The following MCPH1 variants were observed in gnomAD, a reference collection of about 807,000 sequenced individuals.
MCPH1 encodes microcephalin.
MCPH1 carries 104 observed loss-of-function variants against 84.5 expected under a neutral mutation model. The observed-to-expected ratio is 1.23, with a 90% confidence interval of 1.05 to 1.45. MCPH1 has a LOEUF of 1.45. Ranked by LOEUF, MCPH1 falls within the 40% of genes most tolerant of loss-of-function variation. The pLI is 0.00. For missense variants in MCPH1, 1,498 were observed against 1,005.7 expected (o/e 1.49, Z -6.62); for synonymous variants, 514 against 366.8 (o/e 1.40, Z -4.58).
At chr8:6,497,693 A>G (rs915493243) in intron 11 of MCPH1, among the ~76,000 whole-genome samples, 1 of 152,204 alleles carries the variant, frequency 6.6e-6, no homozygotes, top group African/African-American at 2.4e-5. Context: ...GGAGACATCG[A>G]AATGCATATG....
At chr8:6,550,910 G>A (rs1244600311) in intron 12 of MCPH1, among the ~76,000 whole-genome samples, 2 of 152,262 alleles carry the variant, frequency 1.3e-5, no homozygotes, top group East Asian at 3.9e-4. Context: ...CACAATTACA[G>A]CCCAAGGAGC....
At chr8:6,599,447 G>T (rs1477018663) in intron 12 of MCPH1, among the ~76,000 whole-genome samples, 1 of 152,210 alleles carries the variant, frequency 6.6e-6, no homozygotes, top group Non-Finnish European at 1.5e-5. Flanking sequence ...TCACCGTGAT[G>T]AATGATGCTT....
At chr8:6,595,779 G>T (rs1276899274) in intron 12 of MCPH1, among the ~76,000 whole-genome samples, 4 of 152,226 alleles carry the variant, frequency 2.6e-5, no homozygotes, top group Non-Finnish European at 5.9e-5. Flanking sequence ...GCACAGGGAA[G>T]AGCATCAGGG....
chr8:6,620,613 A>G (rs1050605109), intron 12 of MCPH1, among the ~76,000 whole-genome samples: 1 of 152,194 alleles, frequency 6.6e-6, no homozygotes, highest in Admixed American at 6.5e-5. Context: ...TTAATTTCAG[A>G]TATTGTAGGA....
chr8:6,421,505 T>C (rs1014380677), intron 3 of MCPH1, among the ~76,000 whole-genome samples: 1 of 152,062 alleles, frequency 6.6e-6, no homozygotes, highest in Non-Finnish European at 1.5e-5. Flanking sequence ...CCATACTGTT[T>C]ATTTTTTTTT....
intron 9 of MCPH1, among the ~76,000 whole-genome samples, chr8:6,463,156 A>G (rs1806470102): frequency 6.6e-6 from 1 of 152,178 alleles, no homozygotes; most frequent in African/African-American, 2.4e-5. Context: ...CCTCCCATTG[A>G]GAACCTTTGT....
intron 12 of MCPH1, among the ~76,000 whole-genome samples, chr8:6,522,865 C>T (rs1054963647): frequency 7.9e-5 from 12 of 152,168 alleles, no homozygotes; most frequent in Non-Finnish European, 1.3e-4. Context: ...AATACAATCC[C>T]AGAACTTTCT....
chr8:6,613,801 C>T (rs528365513), intron 12 of MCPH1, among the ~76,000 whole-genome samples: 1 of 151,984 alleles, frequency 6.6e-6, no homozygotes, highest in Non-Finnish European at 1.5e-5. Flanking sequence ...GGCTTGTGGA[C>T]GGCCAGGGAA....
chr8:6,446,300 G>T (rs1410274549), intron 8 of MCPH1: 3 of 984,976 alleles, frequency 3.0e-6, no homozygotes, highest in African/African-American at 3.5e-5. Flanking sequence ...AACTTTGACC[G>T]TCTTTACCTA....
At position 6,445,402 on chromosome 8, in the gene MCPH1, CA is replaced by C. The variant is rs773342658; in HGVS notation, c.1681del (p.Thr561HisfsTer27). The C allele has an allele frequency of 4.3e-6, 7 of 1,614,122 alleles. No individual in the cohort carries two copies. The African/African-American group carries it at 9.3e-5, about 22-fold the overall frequency. On this transcript the variant is annotated frameshift_variant, in exon 8 of 14. Coordinates refer to ENST00000344683, the MANE Select transcript of MCPH1 (RefSeq NM_024596.5). LOFTEE classifies it high-confidence loss of function. ...TGAAAGAAGCGGTTGGTCTGAAAAG[CA>C]CACAGAACAAAGGTACCACTTCCAA... is the stretch of plus-strand genomic sequence containing the variant. ...EMKEAVGLKS[T>X]QNKGTTSKIS...
intron 12 of MCPH1, among the ~76,000 whole-genome samples, chr8:6,601,807 A>ACCC (rs1359063074): frequency 6.6e-6 from 1 of 151,724 alleles, no homozygotes; most frequent in African/African-American, 2.4e-5. Flanking sequence ...ACACACACAC[A>ACCC]AGCCTTTCCT....
At chr8:6,507,289 T>C (rs762604886) in intron 12 of MCPH1, among the ~76,000 whole-genome samples, 1 of 152,230 alleles carries the variant, frequency 6.6e-6, no homozygotes, top group Non-Finnish European at 1.5e-5. Flanking sequence ...ATGTTGACCA[T>C]AGCTGTTACC....
At chr8:6,554,222 T>C (rs1824177922) in intron 12 of MCPH1, among the ~76,000 whole-genome samples, 1 of 149,980 alleles carries the variant, frequency 6.7e-6, no homozygotes, top group Non-Finnish European at 1.5e-5. Context: ...AACATGGGAG[T>C]AAGTGTGACA....
At chr8:6,414,661 G>C (rs1158081964) in intron 2 of MCPH1, 104 bp from the exon 3 acceptor site, 34 of 1,281,286 alleles carry the variant, frequency 2.7e-5, no homozygotes, top group Admixed American at 8.3e-5. Context: ...TTCTCTGTCA[G>C]ATGTTGAGAA....
At chr8:6,477,525 T>C (rs1443664441) in intron 9 of MCPH1, 69 bp from the exon 10 acceptor site, 1 of 1,423,844 alleles carries the variant, frequency 7.0e-7, no homozygotes, top group African/African-American at 1.4e-5. Context: ...TATTACAGTT[T>C]ATTTCTGTGG....
intron 12 of MCPH1, among the ~76,000 whole-genome samples, chr8:6,523,644 C>T (rs929629373): frequency 6.6e-6 from 1 of 152,134 alleles, no homozygotes; most frequent in African/African-American, 2.4e-5. Context: ...GGCTGTTGTG[C>T]AGTGGCGCGA....
rs200249842 is a variant in MCPH1 at position 6,468,646 on chromosome 8, G to T, written c.1936-8948G>T. Among the ~76,000 whole-genome samples the T allele has an allele frequency of 6.5e-4, 86 of 132,826 alleles. No individual in the cohort carries two copies. The East Asian group carries it at 9.1e-3, about 14-fold the overall frequency. 87.1% of individuals were successfully genotyped at this position (132,826 alleles called of 152,430 possible). A position where few individuals can be genotyped will look rare whatever the true frequency, so the allele number is the denominator to read the frequency against. Reference sequence around the variant, plus strand: ...AACTACTTGGATGTACATTTTTTTGGTTTTTTTTTTTTTTTGCTATGAAAA... The same window carrying T: ...AACTACTTGGATGTACATTTTTTTGTTTTTTTTTTTTTTTTGCTATGAAAA... On this transcript the variant is annotated intron_variant, in intron 9 of 13. Coordinates refer to ENST00000344683, the MANE Select transcript of MCPH1 (RefSeq NM_024596.5).
chr8:6,576,427 C>T (rs140284122), intron 12 of MCPH1, among the ~76,000 whole-genome samples: 53 of 152,160 alleles, frequency 3.5e-4, no homozygotes, highest in African/African-American at 1.3e-3. Context: ...AAAATGAACT[C>T]GTTGAAGTAT....
At chr8:6,434,184 G>C (rs1376498275) in intron 4 of MCPH1, among the ~76,000 whole-genome samples, 8 of 152,132 alleles carry the variant, frequency 5.3e-5, no homozygotes, top group Admixed American at 5.2e-4. Context: ...CAGTTTGATG[G>C]AATACAGTTG....
Sources: allele counts gnomAD v4.1 joint callset (sites outside exome capture counted in the v4.1 genomes callset), GRCh38; gene constraint gnomAD v4.1.1; transcripts MANE v1.5; gene names NCBI Gene and HGNC (gene_info 2026-07-23, HGNC 2026-07-21).